The following ATP8A1 variants were observed in gnomAD, a reference collection of about 807,000 sequenced individuals.
ATP8A1 encodes the protein phospholipid-transporting ATPase IA.
ATP8A1 carries 90 observed loss-of-function variants against 177.7 expected under a neutral mutation model. That is an observed-to-expected ratio of 0.51 (90% CI 0.43 to 0.60). ATP8A1 has a LOEUF of 0.60. ATP8A1 is among the 20% of genes least tolerant of loss of function. The probability of loss-of-function intolerance (pLI) is 0.00; values close to 1 mark genes in which losing one functional copy is unlikely to be tolerated. For synonymous variants in ATP8A1, 493 were observed against 485.9 expected, an observed-to-expected ratio of 1.01 and a Z score of -0.19; for missense variants, 1,072 against 1,392.8, an observed-to-expected ratio of 0.77 and a Z score of 3.67.
At chr4:42,506,189 A>C (rs1724350457) in intron 23 of ATP8A1, among the ~76,000 whole-genome samples, 1 of 152,212 alleles carries the variant, frequency 6.6e-6, no homozygotes, top group Non-Finnish European at 1.5e-5. Flanking sequence ...GCTGAAACCC[A>C]GTCACTAGTA....
At chr4:42,651,352 T>C (rs1200471879) in intron 1 of ATP8A1, among the ~76,000 whole-genome samples, 4 of 151,912 alleles carry the variant, frequency 2.6e-5, no homozygotes, top group South Asian at 4.2e-4. Flanking sequence ...CAGGCAGAGG[T>C]TGAAAAAAGT....
At chr4:42,641,620 G>C (rs1328485008) in intron 1 of ATP8A1, among the ~76,000 whole-genome samples, 1 of 152,056 alleles carries the variant, frequency 6.6e-6, no homozygotes, top group African/African-American at 2.4e-5. Flanking sequence ...TACTACAAAT[G>C]CTTGTAGGAT....
At chr4:42,608,842 G>T (rs977903607) in intron 5 of ATP8A1, among the ~76,000 whole-genome samples, 2 of 152,126 alleles carry the variant, frequency 1.3e-5, no homozygotes, top group Non-Finnish European at 2.9e-5. Flanking sequence ...TTTGACTGGG[G>T]CAAAGAAGGA....
intron 22 of ATP8A1, among the ~76,000 whole-genome samples, chr4:42,520,360 T>C (rs1220565874): frequency 6.6e-6 from 1 of 152,202 alleles, no homozygotes; most frequent in Non-Finnish European, 1.5e-5. Flanking sequence ...ACTGGATTTT[T>C]TTTTTTTAAT....
rs138623374 is a variant in ATP8A1, at chr4:42,581,163, T to C, written c.834+458A>G. Among the ~76,000 whole-genome samples the C allele has an allele frequency of 3.0e-3, 461 of 152,174 alleles. 4 individuals are homozygous for C. The highest frequency in any genetic ancestry group is 0.011 in the African/African-American group (442 of 41,508). On this transcript the variant is annotated intron_variant, in intron 10 of 36. Coordinates refer to ENST00000381668, the MANE Select transcript of ATP8A1 (RefSeq NM_006095.2). Reference sequence around the variant, plus strand: ...TTTATTTTTTTTTTGAGACGGAGTCTTGCTCTGTTGCCCAGGCTGGAGTAC... The same window carrying C: ...TTTATTTTTTTTTTGAGACGGAGTCCTGCTCTGTTGCCCAGGCTGGAGTAC...
At chr4:42,414,980 C>G in intron 35 of ATP8A1, 2 of 433,824 alleles carry the variant, frequency 4.6e-6, no homozygotes, top group East Asian at 4.1e-5. Context: ...CTCACCACCC[C>G]CCACTCAGTT....
At chr4:42,417,414 G>A (rs1713366325) in intron 35 of ATP8A1, among the ~76,000 whole-genome samples, 2 of 151,048 alleles carry the variant, frequency 1.3e-5, no homozygotes, top group Admixed American at 6.6e-5. Context: ...GTTTTACGTA[G>A]TCTCTTATAG....
intron 24 of ATP8A1, among the ~76,000 whole-genome samples, chr4:42,498,675 C>A (rs1390698103): frequency 1.3e-5 from 2 of 151,874 alleles, no homozygotes; most frequent in Non-Finnish European, 2.9e-5. Flanking sequence ...GAAGAACTCT[C>A]CTCTAGAAAT....
chr4:42,527,256 C>T (rs923934660), intron 20 of ATP8A1, among the ~76,000 whole-genome samples: 7 of 152,246 alleles, frequency 4.6e-5, no homozygotes, highest in South Asian at 2.1e-4. Context: ...ATGGCTGACC[C>T]GCAAGGAAAG....
At chr4:42,445,252 G>T (rs1187963072) in intron 31 of ATP8A1, among the ~76,000 whole-genome samples, 5 of 152,160 alleles carry the variant, frequency 3.3e-5, no homozygotes, top group Non-Finnish European at 7.4e-5. Context: ...TAATTATGAA[G>T]TGTACTTGCC....
rs1721102429 is a variant in ATP8A1, at chr4:42,476,707, T to C, written c.2324+8789A>G. On this transcript the variant is annotated intron_variant, in intron 25 of 36. Transcript: ENST00000381668. ...CATAAAAGGAAAAAATTAGTGGAGTTTGACTATGTCAAAGCCAATGATTTC... is the reference window on the plus strand; with the variant it reads ...CATAAAAGGAAAAAATTAGTGGAGTCTGACTATGTCAAAGCCAATGATTTC... 7.2e-5 allele frequency among the ~76,000 whole-genome samples: 11 copies of C among 152,196 alleles called. No homozygotes were observed. In the South Asian group the frequency reaches 2.3e-3, roughly 32 times the overall value.
chr4:42,482,258 C>T (rs938781742), intron 25 of ATP8A1, among the ~76,000 whole-genome samples: 7 of 151,500 alleles, frequency 4.6e-5, no homozygotes, highest in African/African-American at 7.3e-5. Flanking sequence ...GCTGAGATCG[C>T]GCCACTGCAC....
At chr4:42,473,419 C>A (rs1720683931) in intron 25 of ATP8A1, among the ~76,000 whole-genome samples, 1 of 152,028 alleles carries the variant, frequency 6.6e-6, no homozygotes, top group Admixed American at 6.5e-5. Flanking sequence ...ATTTAGGGAG[C>A]CTTGCCAATG....
rs996678833 is a variant in ATP8A1 at position 42,579,711 on chromosome 4, A to G, written c.1000+102T>C. The G allele has an allele frequency of 2.8e-6, 3 of 1,055,504 alleles. No homozygotes were observed. In the African/African-American group the frequency reaches 4.9e-5, roughly 17 times the overall value. 65.4% of individuals were successfully genotyped at this position (1,055,504 alleles called of 1,614,324 possible). Reference sequence around the variant, plus strand: ...CAAATGTCCAGCTATCTTGGCAACAAGGTCTTTTTAGAAACAATACGAAAT... The same window carrying G: ...CAAATGTCCAGCTATCTTGGCAACAGGGTCTTTTTAGAAACAATACGAAAT... On this transcript the variant is annotated intron_variant, in intron 11 of 36. Transcript: ENST00000381668.
intron 24 of ATP8A1, among the ~76,000 whole-genome samples, chr4:42,497,024 A>C (rs1013133505): frequency 3.1e-4 from 47 of 152,262 alleles, no homozygotes; most frequent in African/African-American, 1.1e-3. Flanking sequence ...AAGGGGGATA[A>C]GTGTTGGATG....
chr4:42,642,534 C>T (rs559661492), intron 1 of ATP8A1, among the ~76,000 whole-genome samples: 1 of 152,326 alleles, frequency 6.6e-6, no homozygotes, highest in Non-Finnish European at 1.5e-5. Context: ...TGAATGACAG[C>T]TGGTGGGCTG....
At chr4:42,522,573 C>A (rs569371956) in intron 21 of ATP8A1, among the ~76,000 whole-genome samples, 1 of 152,300 alleles carries the variant, frequency 6.6e-6, no homozygotes, top group East Asian at 1.9e-4. Flanking sequence ...TCTTATCAAG[C>A]AGTTCTTTGC....
At position 42,412,694 on chromosome 4, in the gene ATP8A1, CTT is replaced by C. The variant is rs570964598; in HGVS notation, c.*220_*221del. ...CATTTTCAATTTCCGTTTACAAAGACTTAGCAAATACCTTAAAAAAATCCAAA... is the reference window on the plus strand; with the variant it reads ...CATTTTCAATTTCCGTTTACAAAGACAGCAAATACCTTAAAAAAATCCAAA... On this transcript the variant is annotated 3_prime_UTR_variant, in exon 37 of 37. Transcript: ENST00000381668. 5.0e-4 allele frequency: 214 copies of C among 426,388 alleles called. 1 individual carries two copies. Among genetic ancestry groups the C allele is most frequent in the African/African-American group, 3.9e-3 (193 of 49,010 alleles). The allele number at this position is 426,388 out of a possible 1,614,324, so 26.4% of individuals were successfully genotyped here.
chr4:42,462,121 T>A (rs998580046), intron 27 of ATP8A1, among the ~76,000 whole-genome samples: 1 of 152,106 alleles, frequency 6.6e-6, no homozygotes, highest in African/African-American at 2.4e-5. Context: ...GTTCAAAAAA[T>A]TTGCAGCCTG....
Sources: gnomAD v4.1 joint callset for allele counts (sites outside exome capture counted in the v4.1 genomes callset) on GRCh38, gnomAD v4.1.1 for gene constraint, MANE v1.5 for transcripts, NCBI Gene and HGNC (gene_info 2026-07-23, HGNC 2026-07-21) for gene names.